SUGCT: variants seen among roughly 807,000 people sequenced by gnomAD.
SUGCT encodes the protein succinyl-CoA:glutarate-CoA transferase.
Under a neutral mutation model 55.0 loss-of-function variants are expected in SUGCT, and 41 were observed. The ratio of observed to expected loss-of-function variants is 0.74; its 90% confidence interval spans 0.58 to 0.97. The LOEUF (loss-of-function observed/expected upper bound fraction) is 0.97. SUGCT is among the 50% of genes least tolerant of loss of function. SUGCT has a pLI of 0.00. For synonymous variants in SUGCT, 187 were observed against 200.4 expected (o/e 0.93, Z 0.56); for missense variants, 568 against 547.8 (o/e 1.04, Z -0.37).
chr7:40,586,213 G>GA (rs1435843523), intron 12 of SUGCT, among the ~76,000 whole-genome samples: 2 of 152,032 alleles, frequency 1.3e-5, no homozygotes, highest in South Asian at 4.1e-4. Flanking sequence ...TAAGTGTTAG[G>GA]CAATGTTTTT....
intron 1 of SUGCT, among the ~76,000 whole-genome samples, chr7:40,140,720 C>T (rs1787938357): frequency 6.6e-6 from 1 of 152,020 alleles, no homozygotes; most frequent in Non-Finnish European, 1.5e-5. Flanking sequence ...TTTTTATAGA[C>T]ACTATGAGTA....
At chr7:40,684,364 T>A (rs1784379851) in intron 12 of SUGCT, among the ~76,000 whole-genome samples, 1 of 152,240 alleles carries the variant, frequency 6.6e-6, no homozygotes, top group African/African-American at 2.4e-5. Flanking sequence ...CCATTTTACT[T>A]AGATTCCATT....
intron 9 of SUGCT, among the ~76,000 whole-genome samples, chr7:40,349,767 G>T (rs932261202): frequency 6.6e-6 from 1 of 152,100 alleles, no homozygotes; most frequent in Non-Finnish European, 1.5e-5. Flanking sequence ...CTATCTCTCG[G>T]GCTTAAGTGA....
intron 8 of SUGCT, among the ~76,000 whole-genome samples, chr7:40,316,183 A>G (rs1163328134): frequency 6.6e-6 from 1 of 152,206 alleles, no homozygotes; most frequent in East Asian, 1.9e-4. Context: ...ATTAATTTTA[A>G]AAACTCAAAT....
At chr7:40,906,755 C>A in the SUGCT span, among the ~76,000 whole-genome samples, 1 of 152,022 alleles carries the variant, frequency 6.6e-6, no homozygotes, top group African/African-American at 2.4e-5. Context: ...AACCGATATC[C>A]CATGGATACC....
chr7:40,459,225 T>C, intron 11 of SUGCT, 27 bp downstream of exon 11: 2 of 1,401,556 alleles, frequency 1.4e-6, no homozygotes, highest in Non-Finnish European at 2.0e-6. Flanking sequence ...TATTCATCCA[T>C]TTAAGAATTA....
At chr7:40,459,930 C>T (rs956532589) in intron 11 of SUGCT, among the ~76,000 whole-genome samples, 4 of 152,062 alleles carry the variant, frequency 2.6e-5, no homozygotes, top group Non-Finnish European at 5.9e-5. Flanking sequence ...TCTTCTGAAT[C>T]TGTACAAATG....
At chr7:40,646,023 T>A (rs1800488308) in intron 12 of SUGCT, among the ~76,000 whole-genome samples, 1 of 152,166 alleles carries the variant, frequency 6.6e-6, no homozygotes, top group African/African-American at 2.4e-5. Context: ...GTCCCCCTTT[T>A]CATCTTCACC....
chr7:40,507,392 T>C (rs1252339278), intron 12 of SUGCT, among the ~76,000 whole-genome samples: 3 of 152,190 alleles, frequency 2.0e-5, no homozygotes, highest in Non-Finnish European at 2.9e-5. Context: ...AAGCTACTAA[T>C]TGATCAAAGG....
At chr7:40,534,108 A>T (rs942666809) in intron 12 of SUGCT, among the ~76,000 whole-genome samples, 3 of 152,164 alleles carry the variant, frequency 2.0e-5, no homozygotes, top group African/African-American at 7.2e-5. Context: ...GGTACCATTT[A>T]AAAAAATCCC....
chr7:40,288,579 G>T (rs777373683), intron 8 of SUGCT, among the ~76,000 whole-genome samples: 3 of 151,792 alleles, frequency 2.0e-5, no homozygotes, highest in Middle Eastern at 3.4e-3. Context: ...TTTTGCCAGT[G>T]TTCTTGTTGC....
the SUGCT span, among the ~76,000 whole-genome samples, chr7:40,902,281 TAAA>T: frequency 6.6e-6 from 1 of 151,910 alleles, no homozygotes; most frequent in African/African-American, 2.4e-5. Context: ...ATTTTTCAAT[TAAA>T]AAAATCAAAA....
the SUGCT span, among the ~76,000 whole-genome samples, chr7:40,941,045 T>C: frequency 1.9e-4 from 29 of 152,058 alleles, 1 homozygote; most frequent in Non-Finnish European, 4.0e-4. Context: ...GGGTATGTTC[T>C]TTCTATGCTT....
chr7:40,792,183 C>T (rs555558731), intron 13 of SUGCT, among the ~76,000 whole-genome samples: 177 of 152,154 alleles, frequency 1.2e-3, no homozygotes, highest in African/African-American at 4.0e-3. Flanking sequence ...TGTCTTAAGA[C>T]ATTTCTGGAC....
intron 12 of SUGCT, among the ~76,000 whole-genome samples, chr7:40,572,765 G>A (rs1196483798): frequency 1.3e-5 from 2 of 152,104 alleles, no homozygotes; most frequent in African/African-American, 4.8e-5. Context: ...TTCAATTTCA[G>A]GGATGCTGTG....
At chr7:40,175,463 G>A (rs1248359062) in intron 1 of SUGCT, among the ~76,000 whole-genome samples, 8 of 152,052 alleles carry the variant, frequency 5.3e-5, no homozygotes, top group African/African-American at 1.7e-4. Context: ...TAAGTGATCC[G>A]CCTGCCTCCT....
At chr7:40,998,943 T>A in the SUGCT span, among the ~76,000 whole-genome samples, 2 of 152,190 alleles carry the variant, frequency 1.3e-5, 1 homozygote, top group South Asian at 4.1e-4. Flanking sequence ...TGCAAAGGGA[T>A]CACATTTATG....
chr7:40,988,246 A>C, the SUGCT span, among the ~76,000 whole-genome samples: 2 of 147,254 alleles, frequency 1.4e-5, no homozygotes, highest in Non-Finnish European at 3.0e-5. Context: ...CTAGATGAAG[A>C]TGTTTAATTT....
chr7:40,367,200 G>T (rs543793912), intron 9 of SUGCT, among the ~76,000 whole-genome samples: 1 of 148,044 alleles, frequency 6.8e-6, no homozygotes, highest in Admixed American at 6.9e-5. Context: ...TCACTCATAG[G>T]TGGGAATTGA....
Sources: gnomAD v4.1 joint callset for allele counts (sites outside exome capture counted in the v4.1 genomes callset) on GRCh38, gnomAD v4.1.1 for gene constraint, MANE v1.5 for transcripts, NCBI Gene and HGNC (gene_info 2026-07-23, HGNC 2026-07-21) for gene names.